The following DSE variants were observed in gnomAD, a reference collection of about 807,000 sequenced individuals.
DSE encodes dermatan sulfate epimerase, also known as dermatan-sulfate epimerase.
Under a neutral mutation model 84.4 loss-of-function variants are expected in DSE, and 36 were observed. The observed-to-expected ratio is 0.43, with a 90% CI of 0.33 to 0.56. The LOEUF is 0.56. DSE is among the 20% of genes least tolerant of loss of function. The pLI, the probability that DSE is intolerant of heterozygous loss-of-function variation, is 0.06. For missense variants in DSE, 862 were observed against 1,169.6 expected (o/e 0.74, Z 3.84); for synonymous variants, 410 against 430.1 (o/e 0.95, Z 0.58).
intron 2 of DSE, among the ~76,000 whole-genome samples, chr6:116,311,409 A>G (rs1775688600): frequency 6.6e-6 from 1 of 152,204 alleles, no homozygotes; most frequent in Admixed American, 6.5e-5. Context: ...TAACACAAGG[A>G]AAGAAAGAAA....
intron 1 of DSE, among the ~76,000 whole-genome samples, chr6:116,393,090 C>T (rs77081690): frequency 0.016 from 2,425 of 152,208 alleles, 71 homozygotes; most frequent in African/African-American, 0.056. Flanking sequence ...GTTTCCCAGT[C>T]GCTGTTAGAT....
intron 2 of DSE, among the ~76,000 whole-genome samples, chr6:116,260,246 C>A (rs9488879): frequency 1.3e-4 from 19 of 151,316 alleles, no homozygotes; most frequent in African/African-American, 4.1e-4. Context: ...TGATGTTGAG[C>A]TTTTTTTTTC....
At chr6:116,403,327 T>G (rs1170832780) in intron 2 of DSE, among the ~76,000 whole-genome samples, 2 of 151,902 alleles carry the variant, frequency 1.3e-5, no homozygotes, top group Non-Finnish European at 2.9e-5. Flanking sequence ...AGGTATTATT[T>G]TAATCCAATA....
At chr6:116,371,357 C>T (rs1250237862) in intron 1 of DSE, among the ~76,000 whole-genome samples, 1 of 152,184 alleles carries the variant, frequency 6.6e-6, no homozygotes, top group East Asian at 1.9e-4. Context: ...GGAGCAGCCT[C>T]GAGGGGCAGC....
intron 1 of DSE, among the ~76,000 whole-genome samples, chr6:116,378,902 C>T (rs1780073347): frequency 6.6e-6 from 1 of 152,146 alleles, no homozygotes; most frequent in East Asian, 1.9e-4. Context: ...ATGTAGGGGG[C>T]ATTCATCAGT....
intron 2 of DSE, 194 bp downstream of exon 2, chr6:116,399,860 A>G: frequency 1.7e-6 from 1 of 577,268 alleles, no homozygotes. Context: ...TCCATGTTTA[A>G]AGTTAGAAGG....
intron 1 of DSE, among the ~76,000 whole-genome samples, chr6:116,379,301 G>T (rs1200883217): frequency 6.6e-6 from 1 of 152,226 alleles, no homozygotes; most frequent in East Asian, 1.9e-4. Context: ...TCTGTTTCAG[G>T]TTAGTCTTAT....
At chr6:116,276,478 C>T (rs946971809) in intron 2 of DSE, 1 of 152,160 alleles carries the variant, frequency 6.6e-6, no homozygotes, top group Admixed American at 6.5e-5. Context: ...CCAAACATAC[C>T]GTGCCCTGCT....
At chr6:116,405,786 T>C (rs1331772516) in intron 2 of DSE, among the ~76,000 whole-genome samples, 1 of 152,066 alleles carries the variant, frequency 6.6e-6, no homozygotes, top group African/African-American at 2.4e-5. Flanking sequence ...TGCCCTGTGG[T>C]GGGAGGAAGC....
rs1006498781 is a variant in DSE at position 116,440,282 on chromosome 6, T to TA, written c.*2938dup. ...TGAAAAGGAAAATTTACATTTGACT[T>TA]ACTCAGTTTTTAAAAAATTATTTTT... On this transcript the variant is annotated 3_prime_UTR_variant, in exon 6 of 6. Transcript: ENST00000644252. The TA allele has an allele frequency of 3.9e-5, 6 of 152,192 alleles. No homozygotes were observed. Among genetic ancestry groups the TA allele is most frequent in the African/African-American group, 1.2e-4 (5 of 41,452 alleles). The allele number at this position is 152,192 out of a possible 1,614,324, so 9.4% of individuals were successfully genotyped here.
chr6:116,434,682 A>G (rs1784044250), intron 5 of DSE, among the ~76,000 whole-genome samples: 1 of 152,216 alleles, frequency 6.6e-6, no homozygotes, highest in Non-Finnish European at 1.5e-5. Context: ...TTCAGCTTAC[A>G]TCTACACTTT....
At chr6:116,338,207 T>A (rs1312667095) in intron 2 of DSE, among the ~76,000 whole-genome samples, 1 of 146,334 alleles carries the variant, frequency 6.8e-6, no homozygotes, top group East Asian at 2.0e-4. Context: ...CTTCTTACCT[T>A]CTTTCTTCTT....
At chr6:116,429,894 G>A (rs1783703519) in intron 3 of DSE, among the ~76,000 whole-genome samples, 1 of 91,096 alleles carries the variant, frequency 1.1e-5, no homozygotes, top group Admixed American at 1.2e-4. Context: ...GGAGCTTGCA[G>A]TGAGCCGAGA....
At chr6:116,308,044 A>G (rs369625911) in intron 2 of DSE, among the ~76,000 whole-genome samples, 4 of 152,328 alleles carry the variant, frequency 2.6e-5, no homozygotes, top group African/African-American at 7.2e-5. Context: ...GTAACTGCAG[A>G]GTATACCATC....
chr6:116,428,818 T>C (rs1783614554), intron 3 of DSE, among the ~76,000 whole-genome samples: 1 of 152,238 alleles, frequency 6.6e-6, no homozygotes, highest in Non-Finnish European at 1.5e-5. Flanking sequence ...TTCATGTAAC[T>C]TTGAAGATGG....
At chr6:116,381,280 T>C (rs1002617250) in intron 1 of DSE, among the ~76,000 whole-genome samples, 1 of 152,048 alleles carries the variant, frequency 6.6e-6, no homozygotes, top group African/African-American at 2.4e-5. Context: ...ATGTGAGTCA[T>C]GCTCAAGCAA....
At chr6:116,289,459 T>C (rs1774144421) in intron 2 of DSE, among the ~76,000 whole-genome samples, 1 of 151,998 alleles carries the variant, frequency 6.6e-6, no homozygotes, top group African/African-American at 2.4e-5. Flanking sequence ...GTGTATTTTT[T>C]AGGTAGTATT....
Position 116,292,960 on chromosome 6 carries a change from C to G in DSE, c.-54+33993C>G, listed in dbSNP as rs143716807. Among the ~76,000 whole-genome samples the G allele has an allele frequency of 1.6e-3, 238 of 152,192 alleles. 1 individual carries two copies. Among genetic ancestry groups the G allele is most frequent in the African/African-American group, 5.4e-3 (225 of 41,524 alleles). On this transcript the variant is annotated intron_variant, in intron 2 of 3. Coordinates refer to the DSE transcript ENST00000430252. The stretch of plus-strand genomic sequence containing the variant: ...ACCCAGTTGCCAACAGTGGTGATCT[C>G]TGGGGGATGAGGATGGGAAGGGGAC...
At chr6:116,430,564 C>T (rs1315459756) in intron 3 of DSE, among the ~76,000 whole-genome samples, 4 of 150,846 alleles carry the variant, frequency 2.7e-5, no homozygotes, top group South Asian at 2.1e-4. Context: ...TTTTTTGAGA[C>T]GGAGTCTCGC....
Sources: gnomAD v4.1 joint callset for allele counts (sites outside exome capture counted in the v4.1 genomes callset) on GRCh38, gnomAD v4.1.1 for gene constraint, MANE v1.5 for transcripts, NCBI Gene and HGNC (gene_info 2026-07-23, HGNC 2026-07-21) for gene names.